The following GSE1 variants were observed in gnomAD, a reference collection of about 807,000 sequenced individuals.
GSE1 encodes the protein genetic suppressor element 1.
A neutral mutation model predicts 112.6 loss-of-function variants in GSE1; 32 were observed. The observed-to-expected ratio is 0.28, with a 90% CI of 0.21 to 0.38. The LOEUF (loss-of-function observed/expected upper bound fraction) is 0.38, where lower values mean the gene tolerates loss of function less well. Among genes scored for constraint, GSE1 ranks in the 10% least tolerant of loss-of-function variants. The probability of loss-of-function intolerance (pLI) is 1.00; values close to 1 mark genes in which losing one functional copy is unlikely to be tolerated. For synonymous variants in GSE1, 1,115 were observed against 735.6 expected (o/e 1.52, Z -8.35); for missense variants, 2,348 against 1,699.2 (o/e 1.38, Z -6.71).
chr16:85,325,300 C>T (rs566893377), intron 1 of GSE1, among the ~76,000 whole-genome samples: 79 of 152,172 alleles, frequency 5.2e-4, no homozygotes, highest in African/African-American at 1.8e-3. Flanking sequence ...GCTTTAGTGG[C>T]GAGGGGGGCA....
chr16:85,351,099 G>T (rs985760919), intron 1 of GSE1, among the ~76,000 whole-genome samples: 2 of 152,206 alleles, frequency 1.3e-5, no homozygotes, highest in African/African-American at 2.4e-5. Context: ...GAATCACTCT[G>T]CTAAGATCTC....
In GSE1 at chr16:85,237,729, T is replaced by A. The variant is rs894864905; in HGVS notation, c.2283+65922T>A. On this transcript the variant is annotated intron_variant, in intron 1 of 2. Transcript: ENST00000637419. ...GGCGGGCGCCTGTAGTCCCAGCTAC[T>A]TGGGAGGCTGAGGCAGGAGAATGGC... Among the ~76,000 whole-genome samples, 9 of 151,900 alleles carry A rather than the reference T, an allele frequency of 5.9e-5. 1 individual carries two copies. Among genetic ancestry groups the A allele is most frequent in the African/African-American group, 2.2e-4 (9 of 41,344 alleles).
At chr16:85,207,391 C>G (rs2075137642) in intron 1 of GSE1, among the ~76,000 whole-genome samples, 1 of 152,236 alleles carries the variant, frequency 6.6e-6, no homozygotes, top group Non-Finnish European at 1.5e-5. Flanking sequence ...CACTCAATCA[C>G]CCAGCAGGTT....
At chr16:85,436,757 G>A (rs942866320) in intron 2 of GSE1, among the ~76,000 whole-genome samples, 2 of 152,208 alleles carry the variant, frequency 1.3e-5, no homozygotes, top group Non-Finnish European at 2.9e-5. Flanking sequence ...CAGAGTCCCC[G>A]CTGGCCAGGT....
At chr16:85,515,477 G>T (rs2051898826) in intron 2 of GSE1, among the ~76,000 whole-genome samples, 1 of 152,210 alleles carries the variant, frequency 6.6e-6, no homozygotes, top group Non-Finnish European at 1.5e-5. Flanking sequence ...ATGAGATCTG[G>T]CAGCGGGTGG....
At chr16:85,645,572 C>A (rs1598545928) in intron 2 of GSE1, among the ~76,000 whole-genome samples, 1 of 135,424 alleles carries the variant, frequency 7.4e-6, no homozygotes, top group Non-Finnish European at 1.5e-5. Flanking sequence ...GCCTGTGGGG[C>A]CTCTGCCTCC....
At chr16:85,540,022 G>T (rs1352765466) in intron 2 of GSE1, among the ~76,000 whole-genome samples, 2 of 152,182 alleles carry the variant, frequency 1.3e-5, no homozygotes, top group Non-Finnish European at 2.9e-5. Flanking sequence ...AAGTCAGCAG[G>T]GTTGTTGTAC....
intron 1 of GSE1, among the ~76,000 whole-genome samples, chr16:85,189,468 C>T (rs2074778782): frequency 6.6e-6 from 1 of 152,166 alleles, no homozygotes; most frequent in East Asian, 1.9e-4. Context: ...GGCAAAATCA[C>T]AGCTGGCAAG....
intron 14 of GSE1, among the ~76,000 whole-genome samples, chr16:85,669,082 C>T (rs531343883): frequency 9.2e-5 from 14 of 152,386 alleles, no homozygotes; most frequent in Middle Eastern, 3.4e-3. Flanking sequence ...CGAAGTTGGG[C>T]GTTGCAGCAT....
rs189839492 is a variant in GSE1, at chr16:85,228,168, C to T, written c.2283+56361C>T. Among the ~76,000 whole-genome samples the T allele has an allele frequency of 2.8e-3, 430 of 152,328 alleles. 1 individual carries two copies. The highest frequency in any genetic ancestry group is 4.5e-3 in the Non-Finnish European group (307 of 68,032). ...GCTGCTGGAGGAGCAGCGCTGAGTC[C>T]CGGCCCCCGCCGGAGGAGCCCTGTC... is the stretch of plus-strand genomic sequence containing the variant. On this transcript the variant is annotated intron_variant, in intron 1 of 2. Transcript: ENST00000637419.
chr16:85,620,780 A>G (rs113472409), intron 1 of GSE1, among the ~76,000 whole-genome samples: 7,907 of 148,542 alleles, frequency 0.053, 617 homozygotes, highest in African/African-American at 0.17. Flanking sequence ...TGCTCTGTTG[A>G]GGAACCCGTT....
chr16:85,594,243 GGGCGGA>G (rs2047125418), intron 1 of GSE1: 11 of 128,416 alleles, frequency 8.6e-5, no homozygotes, highest in African/African-American at 3.5e-4. Flanking sequence ...TGGGGGGGGG[GGGCGGA>G]GGGGACAGGC....
intron 8 of GSE1, among the ~76,000 whole-genome samples, chr16:85,658,180 T>C (rs886935626): frequency 6.6e-6 from 1 of 152,134 alleles, no homozygotes; most frequent in African/African-American, 2.4e-5. Context: ...GTGCCCCCAG[T>C]CCTCCCTGCC....
intron 2 of GSE1, among the ~76,000 whole-genome samples, chr16:85,468,827 A>G (rs912112386): frequency 1.3e-5 from 2 of 152,008 alleles, no homozygotes; most frequent in Non-Finnish European, 2.9e-5. Context: ...GGCATTGACC[A>G]TCTACACTGG....
chr16:85,571,910 G>A (rs2045998012), intron 1 of GSE1, among the ~76,000 whole-genome samples: 2 of 152,254 alleles, frequency 1.3e-5, no homozygotes, highest in South Asian at 4.1e-4. Context: ...ACCACCAAGT[G>A]GCAGTTTCAT....
intron 1 of GSE1, among the ~76,000 whole-genome samples, chr16:85,328,371 C>G (rs1189851244): frequency 6.6e-6 from 1 of 152,190 alleles, no homozygotes; most frequent in Admixed American, 6.5e-5. Flanking sequence ...TCAGAGGCGT[C>G]GGGGCTGCAG....
In GSE1 at chr16:85,284,202, G is replaced by A. The variant is rs28660239; in HGVS notation, c.2284-73261G>A. On this transcript the variant is annotated intron_variant, in intron 1 of 2. Coordinates refer to the GSE1 transcript ENST00000637419. ...CGGGAGAATTGAGAATCTGCCCGGCGGGTCGTGCTTTAGCTGTCGCTGTAG... is the reference window on the plus strand; with the variant it reads ...CGGGAGAATTGAGAATCTGCCCGGCAGGTCGTGCTTTAGCTGTCGCTGTAG... Among the ~76,000 whole-genome samples the A allele has an allele frequency of 4.8e-3, 727 of 152,360 alleles. 1 individual carries two copies. Among genetic ancestry groups the A allele is most frequent in the African/African-American group, 0.016 (686 of 41,588 alleles).
At chr16:85,389,462 A>G (rs2047784729) in intron 2 of GSE1, among the ~76,000 whole-genome samples, 1 of 123,654 alleles carries the variant, frequency 8.1e-6, no homozygotes, top group Admixed American at 7.2e-5. Flanking sequence ...TCTGTCTCCA[A>G]AAAAAAAAAA....
chr16:85,654,387 C>A lies in GSE1; in HGVS notation c.536C>A (p.Thr179Asn), dbSNP rs749982285. 2 of 1,609,076 alleles carry A rather than the reference C, an allele frequency of 1.2e-6. No individual in the cohort carries two copies. The highest frequency in any genetic ancestry group is 1.7e-6 in the Non-Finnish European group (2 of 1,177,910). Reference protein sequence around the residue: ...GPAIPSHLLSTPYPFGLSPSS... With the variant: ...GPAIPSHLLSNPYPFGLSPSS... The stretch of plus-strand genomic sequence containing the variant: ...GCCATCCCCTCGCACCTGCTCAGCA[C>A]CCCCTACCCCTTCGGCCTCTCCCCC... Residue 179 changes from threonine (T) to asparagine (N), a missense_variant, in exon 4 of 16, where the codon ACC becomes AAC. Thr to Asn is a moderately conservative substitution (Grantham distance 65). Transcript: ENST00000253458.
Sources: allele counts gnomAD v4.1 joint callset (sites outside exome capture counted in the v4.1 genomes callset), GRCh38; gene constraint gnomAD v4.1.1; transcripts MANE v1.5; gene names NCBI Gene and HGNC (gene_info 2026-07-23, HGNC 2026-07-21).